Variants in RAD54L2 observed in about 807,000 individuals in gnomAD.
RAD54L2 encodes the protein RAD54 like 2, also known as helicase ARIP4.
A neutral mutation model predicts 138.4 loss-of-function variants in RAD54L2; 27 were observed. The ratio of observed to expected loss-of-function variants is 0.20; its 90% CI spans 0.14 to 0.27. The LOEUF is 0.27. Among genes scored for constraint, RAD54L2 ranks in the 10% least tolerant of loss-of-function variants. The pLI, the probability that RAD54L2 is intolerant of heterozygous loss-of-function variation, is 1.00. For missense variants in RAD54L2, 1,396 were observed against 1,890.2 expected (o/e 0.74, Z 4.85); for synonymous variants, 644 against 723.2 (o/e 0.89, Z 1.76).
chr3:51,629,167 C>G (rs1700771369), intron 4 of RAD54L2, among the ~76,000 whole-genome samples, 167 bp from the exon 5 acceptor site: 1 of 152,112 alleles, frequency 6.6e-6, no homozygotes, highest in East Asian at 1.9e-4. Flanking sequence ...GTTTGATATC[C>G]TGTTTTTTGA....
At chr3:51,660,383 A>T (rs1047360193) in intron 22 of RAD54L2, among the ~76,000 whole-genome samples, 2 of 151,150 alleles carry the variant, frequency 1.3e-5, no homozygotes, top group African/African-American at 4.9e-5. Context: ...ATCTTGGCTC[A>T]CTGCAAGCTC....
intron 2 of RAD54L2, among the ~76,000 whole-genome samples, chr3:51,570,177 A>C: frequency 4.4e-5 from 5 of 112,434 alleles, no homozygotes; most frequent in Admixed American, 2.4e-4. Flanking sequence ...ACAGAGTCTC[A>C]CTCTTACCCA....
At chr3:51,542,365 G>A (rs1698575181) in intron 2 of RAD54L2, among the ~76,000 whole-genome samples, 1 of 152,076 alleles carries the variant, frequency 6.6e-6, no homozygotes, top group Admixed American at 6.6e-5. Context: ...GTGCTGTGCA[G>A]GATTCAAGTT....
At chr3:51,582,782 G>A (rs1247930624) in intron 2 of RAD54L2, among the ~76,000 whole-genome samples, 6 of 125,854 alleles carry the variant, frequency 4.8e-5, no homozygotes, top group Admixed American at 2.9e-4. Flanking sequence ...TTTTTGAGAC[G>A]GAGTCTCGCT....
At chr3:51,588,854 A>G (rs756401885) in intron 2 of RAD54L2, among the ~76,000 whole-genome samples, 3 of 151,934 alleles carry the variant, frequency 2.0e-5, no homozygotes, top group Non-Finnish European at 4.4e-5. Context: ...GCTCCTGTGT[A>G]CTCCCAGCCA....
At chr3:51,612,342 A>G (rs894929337) in intron 3 of RAD54L2, among the ~76,000 whole-genome samples, 3 of 152,178 alleles carry the variant, frequency 2.0e-5, no homozygotes, top group Non-Finnish European at 4.4e-5. Context: ...GGCACCTGTA[A>G]TCCCAGCTAC....
intron 2 of RAD54L2, among the ~76,000 whole-genome samples, chr3:51,574,962 G>A (rs1414198055): frequency 6.6e-6 from 1 of 152,282 alleles, no homozygotes; most frequent in East Asian, 1.9e-4. Context: ...TTTTCTTCTA[G>A]GGTTTTTTTG....
In RAD54L2 at chr3:51,639,571, G is replaced by T. The variant is rs1417809918; in HGVS notation, c.2013G>T (p.Leu671Phe). The change falls in exon 13 of 23, where the codon TTG becomes TTT. Residue 671 changes from leucine to phenylalanine, a missense_variant. Around this residue, in one of 7 missense-constraint regions of RAD54L2, gnomAD observed 211 missense variants for 273.8 expected, o/e 0.77. Transcript: ENST00000684192. ...AAGGCAAGGGAGAGGATAGCACCTTGGCTTCCTCGATGGGAGAGGCAACCA... is the reference window on the plus strand; with the variant it reads ...AAGGCAAGGGAGAGGATAGCACCTTTGCTTCCTCGATGGGAGAGGCAACCA... ...GTKGKGEDSTLASSMGEATNS... is the reference protein window; with the variant it reads ...GTKGKGEDSTFASSMGEATNS... 6.2e-7 allele frequency: 1 copy of T among 1,613,988 alleles called. No individual in the cohort carries two copies. Among genetic ancestry groups the T allele is most frequent in the African/African-American group, 1.3e-5 (1 of 75,032 alleles).
intron 2 of RAD54L2, among the ~76,000 whole-genome samples, chr3:51,580,085 ATTGCAACAACACC>A (rs1699573365): frequency 6.6e-6 from 1 of 152,056 alleles, no homozygotes; most frequent in African/African-American, 2.4e-5. Flanking sequence ...AGGGCTCGGT[ATTGCAACAACACC>A]CCCACTTTAG....
Position 51,663,545 on chromosome 3 carries a change from G to C in RAD54L2, c.*125G>C. On this transcript the variant is annotated 3_prime_UTR_variant, in exon 23 of 23. Coordinates refer to ENST00000684192, the MANE Select transcript of RAD54L2 (RefSeq NM_015106.4). The stretch of plus-strand genomic sequence containing the variant: ...GAGGGAAAAGGAAGAGGACAAAGGA[G>C]GGTGGTTGGCCAAAGTGGCAGAGCT... The C allele has an allele frequency of 9.4e-7, 1 of 1,068,978 alleles. No homozygotes were observed. The highest frequency in any genetic ancestry group is 2.3e-4 in the Middle Eastern group (1 of 4,394). 66.2% of individuals were successfully genotyped at this position (1,068,978 alleles called of 1,614,324 possible).
intron 3 of RAD54L2, among the ~76,000 whole-genome samples, chr3:51,615,984 T>A (rs1700433871): frequency 6.6e-6 from 1 of 152,160 alleles, no homozygotes; most frequent in African/African-American, 2.4e-5. Flanking sequence ...TTTCTTCTTT[T>A]TCAAAAAAAG....
intron 22 of RAD54L2, among the ~76,000 whole-genome samples, chr3:51,660,539 C>T (rs1701737594): frequency 6.6e-6 from 1 of 151,960 alleles, no homozygotes; most frequent in African/African-American, 2.4e-5. Flanking sequence ...TCTTGATCTC[C>T]TGACCTCGTG....
chr3:51,590,489 AGAG>A lies in RAD54L2; in HGVS notation c.89_91del (p.Glu30del), dbSNP rs757041129. 356 of 1,526,166 alleles carry A rather than the reference AGAG, an allele frequency of 2.3e-4. No homozygotes were observed. Among genetic ancestry groups the A allele is most frequent in the Admixed American group, 6.2e-4 (31 of 49,860 alleles). The allele number at this position is 1,526,166 out of a possible 1,614,324, so 94.5% of individuals were successfully genotyped here. ...CGGACGTGGAGCTGGAGGATGCGGA[AGAG>A]GAGGAGGAGGAGGAGGAGGTGGCAG... is the stretch of plus-strand genomic sequence containing the variant. On this transcript the variant is annotated inframe_deletion, in exon 3 of 23. Coordinates refer to ENST00000684192, the MANE Select transcript of RAD54L2 (RefSeq NM_015106.4).
chr3:51,628,283 C>T (rs1400835338), intron 4 of RAD54L2, among the ~76,000 whole-genome samples: 1 of 151,900 alleles, frequency 6.6e-6, no homozygotes, highest in Admixed American at 6.6e-5. Context: ...ATCTTTTTCT[C>T]CTCCTGCCTC....
At chr3:51,659,794 A>G (rs2106854198) in intron 21 of RAD54L2, among the ~76,000 whole-genome samples, 1 of 152,256 alleles carries the variant, frequency 6.6e-6, no homozygotes, top group Admixed American at 6.5e-5. Flanking sequence ...TGTGCCTTCT[A>G]GTGTCTAGAA....
intron 3 of RAD54L2, among the ~76,000 whole-genome samples, chr3:51,619,756 T>C (rs1483457175): frequency 6.6e-6 from 1 of 152,204 alleles, no homozygotes; most frequent in African/African-American, 2.4e-5. Flanking sequence ...TCTTGGCTTC[T>C]GAAGGTAAGC....
chr3:51,577,737 G>A (rs1699510998), intron 2 of RAD54L2, among the ~76,000 whole-genome samples: 1 of 152,062 alleles, frequency 6.6e-6, no homozygotes, highest in Non-Finnish European at 1.5e-5. Flanking sequence ...GCCTATGTGT[G>A]TCTCTGCTTT....
intron 1 of RAD54L2, among the ~76,000 whole-genome samples, chr3:51,540,789 C>T (rs1450006680): frequency 5.9e-5 from 9 of 152,050 alleles, no homozygotes; most frequent in African/African-American, 1.2e-4. Context: ...TGGTGGCTAA[C>T]GCCTGTAATC....
intron 2 of RAD54L2, among the ~76,000 whole-genome samples, chr3:51,588,351 A>G (rs1699756633): frequency 6.6e-6 from 1 of 151,578 alleles, no homozygotes; most frequent in Admixed American, 6.6e-5. Flanking sequence ...CCTGGCCAAC[A>G]TGGTAAAACC....
Sources: allele counts gnomAD v4.1 joint callset (sites outside exome capture counted in the v4.1 genomes callset), GRCh38; gene constraint gnomAD v4.1.1; regional missense constraint gnomAD v4.1.1; transcripts MANE v1.5; gene names NCBI Gene and HGNC (gene_info 2026-07-23, HGNC 2026-07-21).